The following ARK2C variants were observed in gnomAD, a reference collection of about 807,000 sequenced individuals.
ARK2C encodes arkadia (RNF111) C-terminal like ring finger ubiquitin ligase 2C, also known as E3 ubiquitin-protein ligase ARK2C.
At chr18:46,407,008 T>G in the ARK2C span, among the ~76,000 whole-genome samples, 3 of 152,258 alleles carry the variant, frequency 2.0e-5, no homozygotes, top group African/African-American at 7.2e-5. Flanking sequence ...TTTATGGTGC[T>G]TTTATTTAAG....
At chr18:46,405,153 A>G in the ARK2C span, among the ~76,000 whole-genome samples, 1 of 152,118 alleles carries the variant, frequency 6.6e-6, no homozygotes, top group Non-Finnish European at 1.5e-5. Context: ...ACAGTGTGGC[A>G]TACTGGTGGG....
chr18:46,340,883 G>C, the ARK2C span, among the ~76,000 whole-genome samples: 1 of 152,314 alleles, frequency 6.6e-6, no homozygotes, highest in Middle Eastern at 3.4e-3. Context: ...GGTTTGCAAT[G>C]TGCCTCAAAG....
At chr18:46,424,674 C>T in the ARK2C span, among the ~76,000 whole-genome samples, 2 of 152,184 alleles carry the variant, frequency 1.3e-5, no homozygotes, top group African/African-American at 4.8e-5. Flanking sequence ...AGGCCCCTGC[C>T]AGCAAAGAGA....
At chr18:46,405,130 A>C in the ARK2C span, among the ~76,000 whole-genome samples, 1 of 152,024 alleles carries the variant, frequency 6.6e-6, no homozygotes, top group African/African-American at 2.4e-5. Context: ...TATTTTCAAC[A>C]TGTCTATGGT....
chr18:46,373,485 G>A, the ARK2C span, among the ~76,000 whole-genome samples: 1 of 152,234 alleles, frequency 6.6e-6, no homozygotes, highest in Non-Finnish European at 1.5e-5. Context: ...CTGCCTGGGT[G>A]CATCCTGGGG....
chr18:46,341,752 T>A, the ARK2C span, among the ~76,000 whole-genome samples: 2 of 152,224 alleles, frequency 1.3e-5, no homozygotes, highest in African/African-American at 4.8e-5. Flanking sequence ...TTTACTGGCT[T>A]AGGTCACCCC....
At chr18:46,345,709 C>G in the ARK2C span, among the ~76,000 whole-genome samples, 2 of 152,228 alleles carry the variant, frequency 1.3e-5, no homozygotes, top group African/African-American at 4.8e-5. Context: ...ACTAAACAAG[C>G]AACTCTTCTA....
the ARK2C span, among the ~76,000 whole-genome samples, chr18:46,372,745 G>A: frequency 0.01 from 1,524 of 152,350 alleles, 10 homozygotes; most frequent in Middle Eastern, 0.017. Flanking sequence ...CCTGTGGCCA[G>A]GCTGTTTTAT....
chr18:46,386,040 G>A, the ARK2C span: 2 of 152,316 alleles, frequency 1.3e-5, no homozygotes, highest in South Asian at 4.2e-4. Flanking sequence ...CTCTTTCTCA[G>A]CTGTTTTGCC....
the ARK2C span, among the ~76,000 whole-genome samples, chr18:46,453,353 G>A: frequency 1.3e-5 from 2 of 152,148 alleles, no homozygotes; most frequent in African/African-American, 2.4e-5. Context: ...CAGCACCTGT[G>A]TCCCGGACCA....
the ARK2C span, among the ~76,000 whole-genome samples, chr18:46,409,773 T>G: frequency 6.6e-6 from 1 of 152,344 alleles, no homozygotes; most frequent in South Asian, 2.1e-4. Context: ...CTTGCTTTCT[T>G]GGCTTCAAGG....
chr18:46,437,953 C>G, the ARK2C span, among the ~76,000 whole-genome samples: 1 of 152,212 alleles, frequency 6.6e-6, no homozygotes, highest in Non-Finnish European at 1.5e-5. Context: ...CTTGCCTCAG[C>G]AAAGCTCCCA....
At chr18:46,389,817 TG>T in the ARK2C span, among the ~76,000 whole-genome samples, 1 of 152,092 alleles carries the variant, frequency 6.6e-6, no homozygotes, top group African/African-American at 2.4e-5. Context: ...CAGCCTCGAC[TG>T]CCCAGTCTCA....
the ARK2C span, chr18:46,458,765 G>A: frequency 6.6e-6 from 1 of 152,248 alleles, no homozygotes; most frequent in African/African-American, 2.4e-5. Context: ...TACCGGTGCA[G>A]GCGCTGGGAG....
the ARK2C span, among the ~76,000 whole-genome samples, chr18:46,412,351 C>G: frequency 6.6e-6 from 1 of 152,236 alleles, no homozygotes; most frequent in East Asian, 1.9e-4. Context: ...GCCTGGCAGC[C>G]CCAGAGGGTT....
At chr18:46,380,417 G>C in the ARK2C span, among the ~76,000 whole-genome samples, 1 of 152,228 alleles carries the variant, frequency 6.6e-6, no homozygotes, top group Non-Finnish European at 1.5e-5. Context: ...AGAAGGAAGT[G>C]ACAGTAATAA....
At chr18:46,442,851 C>A in the ARK2C span, among the ~76,000 whole-genome samples, 2 of 152,118 alleles carry the variant, frequency 1.3e-5, no homozygotes, top group African/African-American at 2.4e-5. Flanking sequence ...AAAGGATTGT[C>A]ATTTTTCAAG....
chr18:46,397,788 T>C, the ARK2C span, among the ~76,000 whole-genome samples: 1 of 113,820 alleles, frequency 8.8e-6, no homozygotes, highest in Non-Finnish European at 1.8e-5. Context: ...GTGATCATGC[T>C]GAGGTGTGAG....
At chr18:46,444,299 A>G in the ARK2C span, among the ~76,000 whole-genome samples, 1 of 151,984 alleles carries the variant, frequency 6.6e-6, no homozygotes, top group Non-Finnish European at 1.5e-5. Flanking sequence ...TATAGTTTTT[A>G]TTAAATTTGG....
Sources: allele counts gnomAD v4.1 joint callset (sites outside exome capture counted in the v4.1 genomes callset), GRCh38; gene constraint gnomAD v4.1.1; transcripts MANE v1.5; gene names NCBI Gene and HGNC (gene_info 2026-07-23, HGNC 2026-07-21).